KNDC1: variants seen among roughly 807,000 people sequenced by gnomAD.
KNDC1 encodes the protein kinase non-catalytic C-lobe domain-containing protein 1.
KNDC1 carries 106 observed loss-of-function variants against 172.8 expected under a neutral mutation model. The observed-to-expected ratio is 0.61, with a 90% CI of 0.52 to 0.72. The LOEUF is 0.72. Among genes scored for constraint, KNDC1 ranks in the 30% least tolerant of loss-of-function variants. KNDC1 has a pLI of 0.00. For missense variants in KNDC1, 2,325 were observed against 2,394.5 expected, an observed-to-expected ratio of 0.97 and a Z score of 0.61; for synonymous variants, 1,083 against 1,062.2, an observed-to-expected ratio of 1.02 and a Z score of -0.38.
chr10:133,214,549 C>T (rs1845438394), intron 26 of KNDC1, among the ~76,000 whole-genome samples: 1 of 152,200 alleles, frequency 6.6e-6, no homozygotes, highest in African/African-American at 2.4e-5. Context: ...CCACCCCCAG[C>T]ACTGGGCTCC....
intron 9 of KNDC1, among the ~76,000 whole-genome samples, chr10:133,193,418 G>A (rs1854110801): frequency 2.0e-5 from 3 of 152,182 alleles, no homozygotes. Context: ...CCAGCTACTT[G>A]GGAGGCTGAG....
At chr10:133,177,734 A>G (rs1242338518) in intron 3 of KNDC1, among the ~76,000 whole-genome samples, 2 of 152,006 alleles carry the variant, frequency 1.3e-5, no homozygotes, top group African/African-American at 2.4e-5. Context: ...TGTTGTGGCC[A>G]CATGAGTGTT....
chr10:133,201,782 C>T lies in KNDC1; in HGVS notation c.3271C>T (p.Pro1091Ser). 1.9e-6 allele frequency: 3 copies of T among 1,546,326 alleles called. No homozygotes were observed. The highest frequency in any genetic ancestry group is 2.6e-6 in the Non-Finnish European group (3 of 1,148,524). Residue 1091 changes from proline to serine, a missense_variant, in exon 17 of 30, where the codon CCC becomes TCC. Physicochemically the swap from Pro to Ser is moderately conservative, Grantham distance 74 (BLOSUM62 -1). Transcript: ENST00000304613. ...CCCAGCCGGATTCCAGAGCTGCAGC[C>T]CCGGCTGGTGCAGCGCCTTCTACGA... The part of the protein sequence containing the change: ...PGPAGFQSCS[P>S]GWCSAFYEAD...
intron 3 of KNDC1, among the ~76,000 whole-genome samples, chr10:133,174,545 T>G (rs1853470221): frequency 1.3e-5 from 2 of 152,202 alleles, no homozygotes; most frequent in Admixed American, 1.3e-4. Context: ...ATAAATGGAT[T>G]GATGGTTGGA....
intron 6 of KNDC1, among the ~76,000 whole-genome samples, chr10:133,187,081 A>G (rs2135980501): frequency 6.6e-6 from 1 of 152,224 alleles, no homozygotes; most frequent in South Asian, 2.1e-4. Flanking sequence ...TCATCTTCCT[A>G]TTCTGACGGT....
At chr10:133,183,027 C>T (rs145177954) in intron 3 of KNDC1, among the ~76,000 whole-genome samples, 4,545 of 144,118 alleles carry the variant, frequency 0.032, 89 homozygotes, top group Non-Finnish European at 0.048. Flanking sequence ...GGCATGGGTG[C>T]GAGCAGCATG....
chr10:133,167,343 G>A (rs1357191891), intron 1 of KNDC1, 38 bp from the exon 2 acceptor site: 2 of 1,527,702 alleles, frequency 1.3e-6, no homozygotes, highest in Admixed American at 2.0e-5. Flanking sequence ...CCTGGCTGGG[G>A]GTCCTGCCGG....
chr10:133,203,213 A>G (rs1352575742), intron 17 of KNDC1, among the ~76,000 whole-genome samples: 1 of 78,334 alleles, frequency 1.3e-5, no homozygotes, highest in East Asian at 3.3e-4. Flanking sequence ...CCCCAAACGC[A>G]CGGCGTCCAG....
intron 29 of KNDC1, among the ~76,000 whole-genome samples, chr10:133,223,978 C>CGT (rs527737490): frequency 0.039 from 4,846 of 124,210 alleles, 141 homozygotes; most frequent in Middle Eastern, 0.052. Context: ...CTCTTCCCGG[C>CGT]GTGTGTGTGT....
At chr10:133,160,753 C>A (rs1398915323) in intron 1 of KNDC1, among the ~76,000 whole-genome samples, 184 bp downstream of exon 1, 1 of 152,158 alleles carries the variant, frequency 6.6e-6, no homozygotes, top group Non-Finnish European at 1.5e-5. Context: ...GACAGCACCC[C>A]CGAATGCGCA....
chr10:133,183,854 A>G lies in KNDC1; in HGVS notation c.508-18A>G. The G allele has an allele frequency of 6.5e-7, 1 of 1,543,754 alleles. No homozygotes were observed. Among genetic ancestry groups the G allele is most frequent in the Non-Finnish European group, 8.8e-7 (1 of 1,133,180 alleles). On this transcript the variant is annotated intron_variant, in intron 4 of 29. Transcript: ENST00000304613. ...CCCCTCCTCCGAGCCTTCCTGTCTG[A>G]GGTGTTCCCGTCCCCAGAGCATCAT...
intron 3 of KNDC1, among the ~76,000 whole-genome samples, chr10:133,179,883 G>A (rs1035405929): frequency 3.9e-5 from 6 of 152,122 alleles, no homozygotes; most frequent in East Asian, 3.9e-4. Context: ...TGTTCCCTCC[G>A]CTGACGGCCA....
At position 133,199,351 on chromosome 10, in the gene KNDC1, C is replaced by T. The variant is rs1477318364; in HGVS notation, c.2758+85C>T. 5 of 1,560,998 alleles carry T rather than the reference C, an allele frequency of 3.2e-6. No homozygotes were observed. In the African/African-American group the frequency reaches 5.4e-5, roughly 17 times the overall value. On this transcript the variant is annotated intron_variant, in intron 14 of 29. Coordinates refer to ENST00000304613, the MANE Select transcript of KNDC1 (RefSeq NM_152643.8). ...ACTCGGGGCCGCCCCACGCCCTTCC[C>T]CCAGCCCCCCAGCCGAGATCAGCCT...
Position 133,201,570 on chromosome 10 carries a change from T to C in KNDC1, c.3059T>C (p.Val1020Ala), listed in dbSNP as rs1200114923. 1 of 1,612,512 alleles carries C rather than the reference T, an allele frequency of 6.2e-7. No homozygotes were observed. Among genetic ancestry groups the C allele is most frequent in the Non-Finnish European group, 8.5e-7 (1 of 1,179,862 alleles). Residue 1020 changes from valine to alanine, a missense_variant, in exon 17 of 30, where the codon GTG becomes GCG. Val to Ala is a moderately conservative substitution (Grantham distance 64). Transcript: ENST00000304613. ...TGCTCACCCACCTCGGTGTCGGATGTGGACTCGGACGCACTGTCACGGGGA... is the reference window on the plus strand; with the variant it reads ...TGCTCACCCACCTCGGTGTCGGATGCGGACTCGGACGCACTGTCACGGGGA... ...APCSPTSVSDVDSDALSRGNF... is the reference protein window; with the variant it reads ...APCSPTSVSDADSDALSRGNF...
chr10:133,213,843 G>A (rs946286135), intron 25 of KNDC1, 116 bp downstream of exon 25: 282 of 1,439,564 alleles, frequency 2.0e-4, no homozygotes, highest in Non-Finnish European at 2.6e-4. Flanking sequence ...AGAGACGCGA[G>A]AGAGTGGTGT....
At chr10:133,202,408 A>C (rs1262817525) in intron 17 of KNDC1, 2 of 423,286 alleles carry the variant, frequency 4.7e-6, no homozygotes, top group Admixed American at 5.3e-5. Flanking sequence ...CCTGGCCAGC[A>C]GGGAGAGGAG....
At chr10:133,170,567 G>A (rs574623843) in intron 3 of KNDC1, among the ~76,000 whole-genome samples, 27 of 152,290 alleles carry the variant, frequency 1.8e-4, no homozygotes, top group African/African-American at 5.3e-4. Context: ...TTGCTTATGT[G>A]CGTTCTGTCT....
chr10:133,220,035 C>A lies in KNDC1; in HGVS notation c.4941C>A (p.Leu1647=). 1 of 1,557,898 alleles carries A rather than the reference C, an allele frequency of 6.4e-7. No homozygotes were observed. The change falls in exon 29 of 30, where the codon CTC becomes CTA. Residue 1647 remains leucine, a synonymous_variant. Coordinates refer to ENST00000304613, the MANE Select transcript of KNDC1 (RefSeq NM_152643.8). ...AGCCCACCCTGCCCTCGGCCCACCT[C>A]CTGGCCATGCACATCCAGCAGCTGG... is the stretch of plus-strand genomic sequence containing the variant. ...RAQPTLPSAH[L]LAMHIQQLET... is the part of the protein sequence containing the mutation.
intron 9 of KNDC1, among the ~76,000 whole-genome samples, chr10:133,190,327 CCCTG>C (rs1854043302): frequency 1.8e-5 from 1 of 55,476 alleles, no homozygotes; most frequent in Non-Finnish European, 5.1e-5. Context: ...GCAGTAAGCA[CCCTG>C]CACTAAACAC....
Sources: allele counts gnomAD v4.1 joint callset (sites outside exome capture counted in the v4.1 genomes callset), GRCh38; gene constraint gnomAD v4.1.1; transcripts MANE v1.5; gene names NCBI Gene and HGNC (gene_info 2026-07-23, HGNC 2026-07-21).